Variants in NAV3 observed in about 807,000 individuals in gnomAD.
The protein encoded by NAV3 is pore membrane and/or filament interacting like protein 1.
NAV3 carries 87 observed loss-of-function variants against 244.7 expected under a neutral mutation model. That is an observed-to-expected ratio of 0.36 (90% CI 0.30 to 0.42). NAV3 has a LOEUF of 0.42. Ranked by LOEUF, NAV3 falls within the 20% of genes least tolerant of loss-of-function variation. The probability of loss-of-function intolerance (pLI) is 1.00; values close to 1 mark genes in which losing one functional copy is unlikely to be tolerated. For missense variants in NAV3, 2,663 were observed against 2,893.3 expected (o/e 0.92, Z 1.83); for synonymous variants, 1,126 against 1,042.2 (o/e 1.08, Z -1.55).
intron 22 of NAV3, among the ~76,000 whole-genome samples, chr12:78,154,314 T>TATATATTACTATATAATATATA (rs1565731390): frequency 1.7e-4 from 23 of 131,678 alleles, no homozygotes; most frequent in Admixed American, 4.2e-4. Flanking sequence ...TAATATATAG[T>TATATATTACTATATAATATATA]ATATATATAG....
chr12:78,045,680 G>A (rs373872491), intron 9 of NAV3, among the ~76,000 whole-genome samples: 6 of 152,136 alleles, frequency 3.9e-5, no homozygotes, highest in Admixed American at 2.6e-4. Flanking sequence ...AGGGGTATTG[G>A]CCTGGAATTT....
At chr12:77,939,727 G>A (rs754385268) in intron 1 of NAV3, among the ~76,000 whole-genome samples, 6 of 152,042 alleles carry the variant, frequency 3.9e-5, no homozygotes, top group African/African-American at 7.2e-5. Context: ...TAATTTCTGT[G>A]TAATAACTCC....
chr12:77,953,411 A>G (rs1380023703), intron 3 of NAV3, among the ~76,000 whole-genome samples: 1 of 151,844 alleles, frequency 6.6e-6, no homozygotes, highest in Non-Finnish European at 1.5e-5. Context: ...GTGTATACAT[A>G]CACACACACC....
chr12:77,685,048 T>C (rs1410901363), intron 2 of NAV3, among the ~76,000 whole-genome samples: 1 of 152,218 alleles, frequency 6.6e-6, no homozygotes, highest in African/African-American at 2.4e-5. Flanking sequence ...GTTTATACTA[T>C]ATCTTAATGT....
intron 9 of NAV3, among the ~76,000 whole-genome samples, chr12:78,029,085 A>G (rs1171794279): frequency 1.3e-5 from 2 of 151,900 alleles, no homozygotes; most frequent in African/African-American, 4.8e-5. Flanking sequence ...TCTGGTCTGC[A>G]TCTATGTTCA....
intron 2 of NAV3, among the ~76,000 whole-genome samples, chr12:77,802,027 T>C (rs977051121): frequency 1.3e-5 from 2 of 152,160 alleles, no homozygotes; most frequent in Non-Finnish European, 2.9e-5. Context: ...TCATGTAGTC[T>C]CTTAGGGGCC....
intron 12 of NAV3, among the ~76,000 whole-genome samples, chr12:78,071,749 G>GT (rs1952781840): frequency 2.0e-5 from 3 of 152,016 alleles, no homozygotes; most frequent in Non-Finnish European, 1.5e-5. Flanking sequence ...CCCATTGCTT[G>GT]TTTTTCTCAG....
chr12:77,658,534 C>G (rs2137023886), intron 2 of NAV3, among the ~76,000 whole-genome samples: 1 of 151,374 alleles, frequency 6.6e-6, no homozygotes, highest in South Asian at 2.1e-4. Context: ...CCATACTGCC[C>G]AAGGTAATGT....
chr12:78,050,019 A>G lies in NAV3; in HGVS notation c.2050A>G (p.Arg684Gly). The change falls in exon 10 of 40, where the codon AGA (arginine) becomes GGA (glycine). Residue 684 changes from arginine (R) to glycine (G), a missense_variant. Physicochemically the swap from Arg to Gly is moderately radical, Grantham distance 125 (BLOSUM62 -2). Transcript: ENST00000397909. ...TGAAGACCCTGAAACAAGAAGAATG[A>G]GAACAGTTAAAAACATAGCAGACTT... is the stretch of plus-strand genomic sequence containing the variant. The part of the protein sequence containing the change: ...SGEDPETRRM[R>G]TVKNIADLRQ... The G allele has an allele frequency of 5.0e-6, 8 of 1,612,602 alleles. No individual in the cohort carries two copies. Among genetic ancestry groups the G allele is most frequent in the Non-Finnish European group, 6.8e-6 (8 of 1,179,514 alleles).
chr12:78,032,810 A>G (rs1879222565), intron 9 of NAV3, among the ~76,000 whole-genome samples: 1 of 152,168 alleles, frequency 6.6e-6, no homozygotes, highest in South Asian at 2.1e-4. Flanking sequence ...CCCTTTCATC[A>G]TCTTCCAAGT....
At chr12:77,886,826 G>A (rs780287039) in intron 1 of NAV3, among the ~76,000 whole-genome samples, 54 of 151,986 alleles carry the variant, frequency 3.6e-4, no homozygotes, top group Non-Finnish European at 7.1e-4. Context: ...GGTTCCAATC[G>A]GATATTGGTT....
chr12:77,862,619 G>A (rs1440871048), intron 1 of NAV3, among the ~76,000 whole-genome samples: 1 of 151,606 alleles, frequency 6.6e-6, no homozygotes, highest in Non-Finnish European at 1.5e-5. Flanking sequence ...AGGTCTAATG[G>A]GTGTGCCAAG....
Position 78,034,697 on chromosome 12 carries a change from T to A in NAV3, c.2023+12835T>A, listed in dbSNP as rs555759083. Among the ~76,000 whole-genome samples, 10 of 152,306 alleles carry A rather than the reference T, an allele frequency of 6.6e-5. 1 individual carries two copies. The East Asian group carries it at 7.7e-4, about 12-fold the overall frequency. ...TAACAAATGTTAAATACATTGAAAT[T>A]TCATAATTTGAACAAATTTCACTAT... On this transcript the variant is annotated intron_variant, in intron 9 of 39. Coordinates refer to ENST00000397909, the MANE Select transcript of NAV3 (RefSeq NM_001024383.2).
intron 2 of NAV3, among the ~76,000 whole-genome samples, chr12:77,759,028 G>A (rs1441292213): frequency 6.6e-6 from 1 of 152,120 alleles, no homozygotes; most frequent in Non-Finnish European, 1.5e-5. Context: ...GCCCCATTCT[G>A]AGTGCTCAGT....
At chr12:78,138,360 C>T (rs779171612) in intron 19 of NAV3, among the ~76,000 whole-genome samples, 8 of 151,962 alleles carry the variant, frequency 5.3e-5, no homozygotes, top group South Asian at 2.1e-4. Flanking sequence ...TAATTCTGTT[C>T]CATGATCTTT....
In NAV3 at chr12:77,659,560, C is replaced by T. The variant is rs1210834396; in HGVS notation, c.72+87294C>T. 3.9e-5 allele frequency among the ~76,000 whole-genome samples: 6 copies of T among 152,250 alleles called. No homozygotes were observed. The East Asian group carries it at 7.7e-4, about 20-fold the overall frequency. ...TGTGGAAGTCAGTGTGGCGATTCCT[C>T]AGGGATCTAGAACTAGAAATACTAT... On this transcript the variant is annotated intron_variant, in intron 2 of 8. Coordinates refer to the NAV3 transcript ENST00000550042.
intron 12 of NAV3, among the ~76,000 whole-genome samples, chr12:78,096,578 C>T (rs1954262291): frequency 1.3e-5 from 2 of 152,156 alleles, no homozygotes; most frequent in Admixed American, 6.5e-5. Flanking sequence ...TCACATCTTA[C>T]ATGGCTGCAG....
chr12:78,126,516 A>G (rs1479193040), intron 16 of NAV3, among the ~76,000 whole-genome samples: 1 of 152,152 alleles, frequency 6.6e-6, no homozygotes, highest in Non-Finnish European at 1.5e-5. Context: ...CTTGTTACCA[A>G]TTGTGAATTC....
chr12:77,984,515 T>C (rs1426632660), intron 5 of NAV3, among the ~76,000 whole-genome samples: 1 of 151,898 alleles, frequency 6.6e-6, no homozygotes, highest in Non-Finnish European at 1.5e-5. Context: ...GCACTTATCT[T>C]TACCAGACAC....
Sources: allele counts gnomAD v4.1 joint callset (sites outside exome capture counted in the v4.1 genomes callset), GRCh38; gene constraint gnomAD v4.1.1; transcripts MANE v1.5; gene names NCBI Gene and HGNC (gene_info 2026-07-23, HGNC 2026-07-21).